The following MASTL variants were observed in gnomAD, a reference collection of about 807,000 sequenced individuals.
MASTL encodes microtubule associated serine/threonine kinase like.
A neutral mutation model predicts 82.5 loss-of-function variants in MASTL; 54 were observed. That is an observed-to-expected ratio of 0.65 (90% CI 0.53 to 0.82). The LOEUF (loss-of-function observed/expected upper bound fraction) is 0.82. Ranked by LOEUF, MASTL falls within the 40% of genes least tolerant of loss-of-function variation. MASTL has a pLI of 0.00. For synonymous variants in MASTL, 323 were observed against 368.9 expected (o/e 0.88, Z 1.43); for missense variants, 950 against 1,047.8 (o/e 0.91, Z 1.29).
intron 11 of MASTL, among the ~76,000 whole-genome samples, chr10:27,184,213 A>G (rs1429042496): frequency 6.6e-6 from 1 of 152,204 alleles, no homozygotes; most frequent in African/African-American, 2.4e-5. Context: ...TACTAGGAAG[A>G]AAAATAAAGC....
chr10:27,160,760 A>G (rs937518148), intron 3 of MASTL, among the ~76,000 whole-genome samples: 32 of 144,772 alleles, frequency 2.2e-4, no homozygotes, highest in Admixed American at 8.2e-4. Context: ...TCAAAAAAAA[A>G]AAGAAAAGAA....
intron 7 of MASTL, among the ~76,000 whole-genome samples, chr10:27,167,741 G>A (rs564618777): frequency 1.3e-5 from 2 of 152,332 alleles, no homozygotes; most frequent in East Asian, 1.9e-4. Flanking sequence ...GAAAGGTAAC[G>A]TGGGTGTGCC....
At position 27,170,372 on chromosome 10, in the gene MASTL, C is replaced by T. The variant is rs746095581; in HGVS notation, c.1413C>T (p.Asn471=). 6.8e-5 allele frequency: 109 copies of T among 1,613,632 alleles called. No individual in the cohort carries two copies. Among genetic ancestry groups the T allele is most frequent in the African/African-American group, 1.7e-4 (13 of 74,882 alleles). Reference sequence around the variant, plus strand: ...AAACTTGTGTAGAGTATAAGCATAACGAAATGACAAATTGTTATACAAATC... The same window carrying T: ...AAACTTGTGTAGAGTATAAGCATAATGAAATGACAAATTGTTATACAAATC... The part of the protein sequence containing the change: ...NKKTCVEYKH[N]EMTNCYTNQN... Residue 471 remains asparagine (N), a synonymous_variant, in exon 8 of 12, where the codon AAC becomes AAT. Coordinates refer to ENST00000375940, the MANE Select transcript of MASTL (RefSeq NM_001172303.3).
chr10:27,154,486 G>A (rs1407881240), upstream of MASTL: 2 of 552,914 alleles, frequency 3.6e-6, no homozygotes, highest in Non-Finnish European at 6.5e-6. Context: ...GGAAGTAGTT[G>A]ACATTTACAA....
chr10:27,171,163 A>G, intron 8 of MASTL, 80 bp downstream of exon 8: 15 of 1,213,410 alleles, frequency 1.2e-5, no homozygotes, highest in East Asian at 2.3e-5. Context: ...AAGCTAGACT[A>G]TGCGGTATTA....
chr10:27,179,552 G>A (rs759752854), intron 9 of MASTL, among the ~76,000 whole-genome samples: 5 of 152,014 alleles, frequency 3.3e-5, no homozygotes, highest in Admixed American at 6.6e-5. Flanking sequence ...GTGAGAGTCC[G>A]TCTCAAAAAA....
intron 9 of MASTL, among the ~76,000 whole-genome samples, chr10:27,175,010 C>G (rs1303584838): frequency 6.6e-6 from 1 of 151,718 alleles, no homozygotes; most frequent in African/African-American, 2.4e-5. Flanking sequence ...CTCTCACACC[C>G]TTTCTTCTGT....
intron 9 of MASTL, among the ~76,000 whole-genome samples, chr10:27,178,825 T>C (rs2058184449): frequency 6.6e-6 from 1 of 152,158 alleles, no homozygotes; most frequent in African/African-American, 2.4e-5. Flanking sequence ...GGATAATTCT[T>C]TCTCAGTGCT....
upstream of MASTL, chr10:27,155,299 G>C (rs1373561902): frequency 2.4e-5 from 22 of 902,328 alleles, no homozygotes; most frequent in Middle Eastern, 3.5e-4. Flanking sequence ...TGACGAGGGC[G>C]GGGCGCGGCG....
upstream of MASTL, chr10:27,155,270 C>A (rs574340842): frequency 2.8e-6 from 2 of 713,722 alleles, no homozygotes; most frequent in Non-Finnish European, 4.5e-6. Context: ...CCCCTCCGTC[C>A]GCGTCTGCGT....
At chr10:27,186,245 CAAAT>C in intron 11 of MASTL, 130 bp from the exon 12 acceptor site, 1 of 928,648 alleles carries the variant, frequency 1.1e-6, no homozygotes, top group Non-Finnish European at 1.7e-6. Context: ...AGACATTAAA[CAAAT>C]GTCTGTGAAA....
chr10:27,160,898 A>G (rs2057550175), intron 3 of MASTL, among the ~76,000 whole-genome samples, 196 bp from the exon 4 acceptor site: 1 of 152,182 alleles, frequency 6.6e-6, no homozygotes, highest in South Asian at 2.1e-4. Flanking sequence ...TCTTTTTTGT[A>G]GATTCTGATA....
At chr10:27,157,908 C>T (rs927562628) in intron 1 of MASTL, among the ~76,000 whole-genome samples, 22 of 151,886 alleles carry the variant, frequency 1.4e-4, no homozygotes, top group African/African-American at 4.8e-4. Flanking sequence ...CGCCCAGGTG[C>T]TAGTTATCTG....
intron 5 of MASTL, 50 bp from the exon 6 acceptor site, chr10:27,165,339 G>A (rs1207867522): frequency 6.3e-7 from 1 of 1,586,390 alleles, no homozygotes; most frequent in Admixed American, 1.7e-5. Context: ...TACTTAGGTG[G>A]TGTTTTGGGG....
intron 3 of MASTL, among the ~76,000 whole-genome samples, chr10:27,160,146 C>A (rs1248350986): frequency 7.3e-6 from 1 of 137,532 alleles, no homozygotes; most frequent in Non-Finnish European, 1.5e-5. Context: ...GAGGTGTGTG[C>A]CATTACTCTT....
At chr10:27,158,505 CAAAAT>C in intron 1 of MASTL, 39 bp from the exon 2 acceptor site, 1 of 1,483,154 alleles carries the variant, frequency 6.7e-7, no homozygotes, top group Non-Finnish European at 9.4e-7. Flanking sequence ...GACTCTGTCT[CAAAAT>C]AAAATAACAT....
At chr10:27,167,834 T>C (rs2057789454) in intron 7 of MASTL, among the ~76,000 whole-genome samples, 1 of 152,134 alleles carries the variant, frequency 6.6e-6, no homozygotes, top group Non-Finnish European at 1.5e-5. Context: ...CATATTGTTT[T>C]TGCCTTTTTA....
At position 27,158,333 on chromosome 10, in the gene MASTL, C is replaced by A. The variant is rs930354687; in HGVS notation, c.187-216C>A. Among the ~76,000 whole-genome samples the A allele has an allele frequency of 3.9e-5, 6 of 152,194 alleles. No individual in the cohort carries two copies. In the South Asian group the frequency reaches 6.2e-4, roughly 16 times the overall value. ...GCCAGCCTGGGCAACGTAGTGAGACCTTGTCTCTACAACAAAATTAAAAAG... is the reference window on the plus strand; with the variant it reads ...GCCAGCCTGGGCAACGTAGTGAGACATTGTCTCTACAACAAAATTAAAAAG... On this transcript the variant is annotated intron_variant, in intron 1 of 11. Transcript: ENST00000375940.
chr10:27,155,821 A>G (rs576014884), intron 1 of MASTL, among the ~76,000 whole-genome samples: 2 of 152,062 alleles, frequency 1.3e-5, no homozygotes, highest in South Asian at 2.1e-4. Context: ...CCTTCCCTCC[A>G]TATCTCAGAT....
Sources: allele counts gnomAD v4.1 joint callset (sites outside exome capture counted in the v4.1 genomes callset), GRCh38; gene constraint gnomAD v4.1.1; transcripts MANE v1.5; gene names NCBI Gene and HGNC (gene_info 2026-07-23, HGNC 2026-07-21).